Variants in EXOSC5 observed in about 807,000 individuals in gnomAD.
The protein encoded by EXOSC5 is exosome component 5.
EXOSC5 carries 15 observed loss-of-function variants against 23.7 expected under a neutral mutation model. The observed-to-expected ratio is 0.63, with a 90% CI of 0.42 to 0.97. EXOSC5 has a LOEUF of 0.97. Ranked by LOEUF, EXOSC5 falls within the 50% of genes least tolerant of loss-of-function variation. The pLI, the probability that EXOSC5 is intolerant of heterozygous loss-of-function variation, is 0.00. For synonymous variants in EXOSC5, 143 were observed against 140.9 expected, an observed-to-expected ratio of 1.02 and a Z score of -0.11; for missense variants, 305 against 316.3, an observed-to-expected ratio of 0.96 and a Z score of 0.27.
At position 41,389,830 on chromosome 19, in the gene EXOSC5, C is replaced by G; in HGVS notation, c.460G>C (p.Gly154Arg). ...TCAGAGTCCAGGGCGCAGGCGACCC[C>G]ACAGAAGAGAGCCCGCATGGGCACA... ...AGVPMRALFC[G>R]VACALDSDGT... The change falls in exon 4 of 6, where the codon GGG (glycine) becomes CGG (arginine). Residue 154 changes from glycine to arginine, a missense_variant. Coordinates refer to ENST00000221233, the MANE Select transcript of EXOSC5 (RefSeq NM_020158.4). 1 of 1,614,170 alleles carries G rather than the reference C, an allele frequency of 6.2e-7. No homozygotes were observed. Among genetic ancestry groups the G allele is most frequent in the Admixed American group, 1.7e-5 (1 of 60,028 alleles).
In EXOSC5 at chr19:41,386,460, A is replaced by C; in HGVS notation, c.*173T>G. On this transcript the variant is annotated 3_prime_UTR_variant, in exon 6 of 6. Transcript: ENST00000221233. ...CCTTGCTGGGGGGATCTGTGCCCCC[A>C]GGCCTGGGGGCTGTCACAGGCCAAG... 1.7e-6 allele frequency: 1 copy of C among 575,932 alleles called. No individual in the cohort carries two copies. 35.7% of individuals were successfully genotyped at this position (575,932 alleles called of 1,614,324 possible).
chr19:41,390,520 G>A (rs1215415661), intron 3 of EXOSC5, among the ~76,000 whole-genome samples: 2 of 152,180 alleles, frequency 1.3e-5, no homozygotes, highest in African/African-American at 4.8e-5. Context: ...CACATTTGTT[G>A]GCAAATAGGG....
At chr19:41,395,502 C>T (rs1044542578) in intron 1 of EXOSC5, among the ~76,000 whole-genome samples, 21 of 152,196 alleles carry the variant, frequency 1.4e-4, no homozygotes, top group African/African-American at 5.1e-4. Flanking sequence ...CCTCTTCTTC[C>T]TTTTCTGTGA....
chr19:41,387,470 G>T, intron 5 of EXOSC5, 44 bp downstream of exon 5: 1 of 1,476,910 alleles, frequency 6.8e-7, no homozygotes, highest in Non-Finnish European at 9.2e-7. Flanking sequence ...GTATGTCAGT[G>T]GGAAGGAAGG....
chr19:41,389,150 T>C (rs2039004884), intron 4 of EXOSC5, among the ~76,000 whole-genome samples: 1 of 151,948 alleles, frequency 6.6e-6, no homozygotes, highest in Non-Finnish European at 1.5e-5. Context: ...TTTGCAATGT[T>C]GGCCAGGCTG....
In EXOSC5 at chr19:41,386,677, G is replaced by A. The variant is rs147964002; in HGVS notation, c.664C>T (p.Arg222Cys). ...AAQAASQHVF[R>C]FYRESLQRRY... The stretch of plus-strand genomic sequence containing the variant: ...CTCTGCAGCGATTCCCGGTAGAAAC[G>A]GAAGACGTGTTGCGAAGCGGCCTGG... Residue 222 changes from arginine (R) to cysteine (C), a missense_variant, in exon 6 of 6, where the codon CGT becomes TGT. Physicochemically the swap from Arg to Cys is radical, Grantham distance 180. Transcript: ENST00000221233. 159 of 1,604,152 alleles carry A rather than the reference G, an allele frequency of 9.9e-5. No individual in the cohort carries two copies. The highest frequency in any genetic ancestry group is 1.1e-4 in the Non-Finnish European group (132 of 1,175,864).
At chr19:41,389,723 G>A (rs1196560615) in intron 4 of EXOSC5, 42 bp downstream of exon 4, 2 of 1,599,584 alleles carry the variant, frequency 1.3e-6, no homozygotes, top group Admixed American at 1.7e-5. Context: ...ACGGGCAGCT[G>A]TCTGGCCTCT....
chr19:41,387,743 G>T, intron 4 of EXOSC5, 140 bp from the exon 5 acceptor site: 2 of 431,144 alleles, frequency 4.6e-6, no homozygotes, highest in Non-Finnish European at 8.0e-6. Context: ...CACTGCTTGA[G>T]GCCAGAAACT....
chr19:41,389,648 T>C, intron 4 of EXOSC5, 117 bp downstream of exon 4: 1 of 1,418,732 alleles, frequency 7.0e-7, no homozygotes, highest in Non-Finnish European at 9.5e-7. Context: ...AGAGCAGCCC[T>C]TGCTAAGTGG....
intron 3 of EXOSC5, 29 bp from the exon 4 acceptor site, chr19:41,389,934 CTT>C (rs368205554): frequency 7.8e-3 from 10,562 of 1,351,252 alleles, no homozygotes; most frequent in Admixed American, 0.017. Flanking sequence ...GGTTAAGTTT[CTT>C]TTTTTTTTTT....
At chr19:41,390,538 G>C (rs2039016306) in intron 3 of EXOSC5, among the ~76,000 whole-genome samples, 1 of 152,184 alleles carries the variant, frequency 6.6e-6, no homozygotes, top group Non-Finnish European at 1.5e-5. Context: ...GGGTCAGAGA[G>C]GGGAAGAAAC....
At chr19:41,389,704 GAGGA>G in intron 4 of EXOSC5, 57 bp downstream of exon 4, 1 of 1,574,442 alleles carries the variant, frequency 6.4e-7, no homozygotes, top group Non-Finnish European at 8.6e-7. Flanking sequence ...GCGAGGCCTG[GAGGA>G]AGGGACGGGC....
In EXOSC5 at chr19:41,389,840, A is replaced by G; in HGVS notation, c.450T>C (p.Ala150=). The G allele has an allele frequency of 1.2e-6, 2 of 1,614,062 alleles. No individual in the cohort carries two copies. The highest frequency in any genetic ancestry group is 1.1e-5 in the South Asian group (1 of 91,084). The change falls in exon 4 of 6, where the codon GCT becomes GCC. Residue 150 remains alanine (A), a synonymous_variant. Transcript: ENST00000221233. The stretch of plus-strand genomic sequence containing the variant: ...GGGCGCAGGCGACCCCACAGAAGAG[A>G]GCCCGCATGGGCACACCTGCATCCA... ...ALVDAGVPMR[A]LFCGVACALD... is the part of the protein sequence containing the mutation.
At chr19:41,389,326 C>T (rs549765183) in intron 4 of EXOSC5, among the ~76,000 whole-genome samples, 5 of 150,464 alleles carry the variant, frequency 3.3e-5, no homozygotes, top group Non-Finnish European at 5.9e-5. Flanking sequence ...AGTGCAATGG[C>T]GCGATCTCGG....
intron 1 of EXOSC5, among the ~76,000 whole-genome samples, 183 bp downstream of exon 1, chr19:41,396,998 C>G (rs577223939): frequency 6.6e-6 from 1 of 152,188 alleles, no homozygotes; most frequent in Non-Finnish European, 1.5e-5. Flanking sequence ...ACTATCTTCT[C>G]CTTTCTAGTC....
chr19:41,386,667 C>G lies in EXOSC5; in HGVS notation c.674G>C (p.Arg225Pro). The change falls in exon 6 of 6, where the codon CGG (arginine) becomes CCG (proline). Residue 225 changes from arginine to proline, a missense_variant. Arg to Pro is a moderately radical substitution (Grantham distance 103, BLOSUM62 -2). Transcript: ENST00000221233. ...AASQHVFRFY[R>P]ESLQRRYSKS ...GGAGTAACGCCTCTGCAGCGATTCC[C>G]GGTAGAAACGGAAGACGTGTTGCGA... 2 of 1,601,924 alleles carry G rather than the reference C, an allele frequency of 1.2e-6. No individual in the cohort carries two copies. The highest frequency in any genetic ancestry group is 8.5e-7 in the Non-Finnish European group (1 of 1,174,588).
intron 4 of EXOSC5, among the ~76,000 whole-genome samples, chr19:41,388,281 T>A (rs1381404187): frequency 6.6e-6 from 1 of 152,242 alleles, no homozygotes; most frequent in Non-Finnish European, 1.5e-5. Context: ...TTCCATGCTC[T>A]GTCCCACAGG....
intron 1 of EXOSC5, among the ~76,000 whole-genome samples, chr19:41,393,765 G>A (rs1021210323): frequency 6.6e-6 from 1 of 151,580 alleles, no homozygotes; most frequent in African/African-American, 2.4e-5. Flanking sequence ...TCACCATGTT[G>A]GTCAGGCTGG....
intron 3 of EXOSC5, 30 bp from the exon 4 acceptor site, chr19:41,389,935 T>G: frequency 4.3e-6 from 1 of 233,622 alleles, no homozygotes; most frequent in Admixed American, 5.8e-5. Context: ...GTTAAGTTTC[T>G]TTTTTTTTTT....
Sources: gnomAD v4.1 joint callset for allele counts (sites outside exome capture counted in the v4.1 genomes callset) on GRCh38, gnomAD v4.1.1 for gene constraint, MANE v1.5 for transcripts, NCBI Gene and HGNC (gene_info 2026-07-23, HGNC 2026-07-21) for gene names.